The following C5orf63 variants were observed in gnomAD, a reference collection of about 807,000 sequenced individuals.
C5orf63 encodes the protein glutaredoxin-like protein C5orf63.
In C5orf63, 18 loss-of-function variants were observed where a neutral mutation model predicts 13.3. The observed-to-expected ratio is 1.36, with a 90% CI of 0.94 to 2.01. The LOEUF (loss-of-function observed/expected upper bound fraction) is 2.01, where lower values mean the gene tolerates loss of function less well. Among genes scored for constraint, C5orf63 ranks in the 30% most tolerant of loss-of-function variants. The probability of loss-of-function intolerance (pLI) is 0.00; values close to 1 mark genes in which losing one functional copy is unlikely to be tolerated. For missense variants in C5orf63, 118 were observed against 127.7 expected (o/e 0.92, Z 0.36); for synonymous variants, 38 against 44.7 (o/e 0.85, Z 0.60).
intron 1 of C5orf63, among the ~76,000 whole-genome samples, chr5:127,072,737 GAC>G (rs2126907060): frequency 6.6e-6 from 1 of 152,246 alleles, no homozygotes; most frequent in African/African-American, 2.4e-5. Flanking sequence ...CCCTGTGAAA[GAC>G]AGCCTTAGAA....
chr5:127,051,688 G>T lies in C5orf63; in HGVS notation c.*83C>A. The T allele has an allele frequency of 7.1e-7, 1 of 1,406,042 alleles. No individual in the cohort carries two copies. Among genetic ancestry groups the T allele is most frequent in the South Asian group, 1.7e-5 (1 of 60,236 alleles). The allele number at this position is 1,406,042 out of a possible 1,614,324, so 87.1% of individuals were successfully genotyped here. ...AACATCCTTAGGGCTCTGTACAAGT[G>T]ACAAAATGAGTATCAGGCCATGGTC... On this transcript the variant is annotated 3_prime_UTR_variant, in exon 5 of 5. Transcript: ENST00000296662.
Position 127,052,640 on chromosome 5 carries a change from C to T in C5orf63, c.144G>A (p.Lys48=), listed in dbSNP as rs1561488308. The T allele has an allele frequency of 6.6e-7, 1 of 1,509,174 alleles. No homozygotes were observed. 93.5% of individuals were successfully genotyped at this position (1,509,174 alleles called of 1,614,324 possible). Residue 48 remains lysine, a synonymous_variant, in exon 4 of 5, where the codon AAG becomes AAA. Transcript: ENST00000296662. ...KDPCPLCDEA[K]EVLKPYENRF... ...TGTTTTCATAAGGCTTGAGTACTTC[C>T]TTGGCTTCATCACAAAGGGGGCATG...
At chr5:127,060,210 T>A (rs1162539304) in intron 2 of C5orf63, among the ~76,000 whole-genome samples, 5 of 152,098 alleles carry the variant, frequency 3.3e-5, no homozygotes, top group African/African-American at 1.2e-4. Flanking sequence ...TCAGGCTGAA[T>A]TACCTTGTCA....
At chr5:127,043,211 A>C (rs556023368), downstream of C5orf63, 14 of 152,314 alleles carry the variant, frequency 9.2e-5, no homozygotes, top group East Asian at 1.7e-3. Context: ...GGAGTAACTA[A>C]ATTTTATCTA....
intron 2 of C5orf63, among the ~76,000 whole-genome samples, chr5:127,070,686 T>C (rs1754503153): frequency 6.6e-6 from 1 of 152,220 alleles, no homozygotes; most frequent in Non-Finnish European, 1.5e-5. Flanking sequence ...ACTGGTGCCC[T>C]ACATAAGCTA....
At chr5:127,056,569 G>T (rs1395900065) in intron 3 of C5orf63, 1 of 152,152 alleles carries the variant, frequency 6.6e-6, no homozygotes, top group African/African-American at 2.4e-5. Context: ...GCACAGGAAA[G>T]ACTCACCCCC....
At chr5:127,068,085 T>C (rs1379008605) in intron 2 of C5orf63, among the ~76,000 whole-genome samples, 3 of 152,156 alleles carry the variant, frequency 2.0e-5, no homozygotes, top group Non-Finnish European at 4.4e-5. Context: ...CCTCATCTCC[T>C]AAAGCCTCAG....
intron 2 of C5orf63, among the ~76,000 whole-genome samples, chr5:127,065,947 CTCTT>C (rs1307834784): frequency 6.6e-6 from 1 of 152,064 alleles, no homozygotes; most frequent in Non-Finnish European, 1.5e-5. Context: ...AGTGAAGAGA[CTCTT>C]TAATGTCAGG....
downstream of C5orf63, among the ~76,000 whole-genome samples, chr5:127,048,194 G>A (rs889095783): frequency 6.6e-6 from 1 of 150,484 alleles, no homozygotes; most frequent in Non-Finnish European, 1.5e-5. Context: ...CTGCAACGAA[G>A]GTGCCCTCAT....
chr5:127,050,683 A>C (rs1383932445), downstream of C5orf63, among the ~76,000 whole-genome samples: 1 of 152,170 alleles, frequency 6.6e-6, no homozygotes, highest in African/African-American at 2.4e-5. Flanking sequence ...CCTCATATAT[A>C]AAATGGGAGT....
At chr5:127,054,567 A>G (rs546701751) in intron 3 of C5orf63, among the ~76,000 whole-genome samples, 2 of 152,236 alleles carry the variant, frequency 1.3e-5, no homozygotes, top group African/African-American at 4.8e-5. Flanking sequence ...TCCTTTGCCC[A>G]CTTTTTGATG....
chr5:127,054,047 A>G (rs888932833), intron 3 of C5orf63, among the ~76,000 whole-genome samples: 3 of 152,190 alleles, frequency 2.0e-5, no homozygotes, highest in South Asian at 2.1e-4. Context: ...AGGTTTCAAA[A>G]AGTCAACACA....
Position 127,051,532 on chromosome 5 carries a change from T to C in C5orf63, c.*239A>G. On this transcript the variant is annotated 3_prime_UTR_variant, in exon 5 of 5. Transcript: ENST00000296662. ...TAAGACAAATGGACTTCTCCCTCCC[T>C]CCATCATCTCCCTCCCTGCTAATAT... 2 of 1,238,602 alleles carry C rather than the reference T, an allele frequency of 1.6e-6. No homozygotes were observed. Among genetic ancestry groups the C allele is most frequent in the Non-Finnish European group, 2.0e-6 (2 of 991,868 alleles). 76.7% of individuals were successfully genotyped at this position (1,238,602 alleles called of 1,614,324 possible).
intron 1 of C5orf63, among the ~76,000 whole-genome samples, chr5:127,072,923 G>T (rs1050011876): frequency 6.6e-6 from 1 of 152,162 alleles, no homozygotes; most frequent in African/African-American, 2.4e-5. Flanking sequence ...TGCCCAATAA[G>T]GCTGAGAGGA....
intron 3 of C5orf63, among the ~76,000 whole-genome samples, chr5:127,053,347 G>A (rs1008463465): frequency 5.3e-5 from 8 of 151,374 alleles, no homozygotes; most frequent in African/African-American, 1.5e-4. Flanking sequence ...ACTATGGATC[G>A]TCGGCAGATT....
chr5:127,059,069 T>C, intron 2 of C5orf63, 67 bp from the exon 3 acceptor site: 2 of 924,904 alleles, frequency 2.2e-6, no homozygotes, highest in Non-Finnish European at 3.3e-6. Flanking sequence ...ATATGGACAG[T>C]AATTTCCAAG....
chr5:127,070,850 G>A (rs1186376011), intron 2 of C5orf63, among the ~76,000 whole-genome samples: 1 of 152,142 alleles, frequency 6.6e-6, no homozygotes, highest in Admixed American at 6.5e-5. Flanking sequence ...ACCCACAACT[G>A]ACCAGGCCAG....
rs114815007 is a variant in C5orf63, at chr5:127,072,481, G to A, written c.-109-796C>T. On this transcript the variant is annotated intron_variant, in intron 1 of 4. Transcript: ENST00000296662. ...TAGACACCTCAACTTGTTCAGCATTGTGCACCAAGGCATAGCTCTAGTGGC... is the reference window on the plus strand; with the variant it reads ...TAGACACCTCAACTTGTTCAGCATTATGCACCAAGGCATAGCTCTAGTGGC... Among the ~76,000 whole-genome samples, 955 of 152,202 alleles carry A rather than the reference G, an allele frequency of 6.3e-3. 9 individuals are homozygous for A. Among genetic ancestry groups the A allele is most frequent in the East Asian group, 0.027 (138 of 5,180 alleles).
At chr5:127,070,326 A>T (rs1306410081) in intron 2 of C5orf63, among the ~76,000 whole-genome samples, 1 of 152,172 alleles carries the variant, frequency 6.6e-6, no homozygotes, top group Non-Finnish European at 1.5e-5. Context: ...AAATAATTCA[A>T]CGTCATGTCC....
Sources: gnomAD v4.1 joint callset for allele counts (sites outside exome capture counted in the v4.1 genomes callset) on GRCh38, gnomAD v4.1.1 for gene constraint, MANE v1.5 for transcripts, NCBI Gene and HGNC (gene_info 2026-07-23, HGNC 2026-07-21) for gene names.